Variants in EPRS1 observed in about 807,000 individuals in gnomAD.
The protein encoded by EPRS1 is bifunctional glutamate/proline--tRNA ligase.
EPRS1 carries 107 observed loss-of-function variants against 188.3 expected under a neutral mutation model. That is an observed-to-expected ratio of 0.57 (90% CI 0.49 to 0.67). The LOEUF is 0.67. Ranked by LOEUF, EPRS1 falls within the 30% of genes least tolerant of loss-of-function variation. EPRS1 has a pLI of 0.00. For synonymous variants in EPRS1, 596 were observed against 593.1 expected (o/e 1.00, Z -0.07); for missense variants, 1,577 against 1,802.2 (o/e 0.88, Z 2.26).
At chr1:219,992,591 T>A (rs143618474) in intron 18 of EPRS1, among the ~76,000 whole-genome samples, 2,674 of 152,294 alleles carry the variant, frequency 0.018, 80 homozygotes, top group African/African-American at 0.061. Context: ...AAAGCAGCCA[T>A]AGACGATATG....
In EPRS1 at chr1:220,001,151, G is replaced by C; in HGVS notation, c.2168C>G (p.Ala723Gly). 6.2e-7 allele frequency: 1 copy of C among 1,602,638 alleles called. No homozygotes were observed. Among genetic ancestry groups the C allele is most frequent in the Non-Finnish European group, 8.5e-7 (1 of 1,169,822 alleles). Residue 723 changes from alanine to glycine, a missense_variant, in exon 17 of 32, where the codon GCC becomes GGC. Physicochemically the swap from Ala to Gly is moderately conservative, Grantham distance 60. This residue lies in a region of EPRS1 where 1,278 missense variants were observed against 1,457.4 expected (regional missense o/e 0.88). Transcript: ENST00000366923. ...SGSKEKTKVE[A>G]TKNETSAPFK... ...AAAAGTCATTACCTCATTTTTTGTG[G>C]CTTCTACTTTGGTCTTTTCCTTTGA...
chr1:220,005,112 A>AAT (rs1437537290), intron 16 of EPRS1, 136 bp downstream of exon 16: 1 of 404,330 alleles, frequency 2.5e-6, no homozygotes, highest in East Asian at 3.7e-5. Context: ...TAAAATGTTA[A>AAT]ATATAAAATA....
chr1:219,977,700 A>G (rs940908338), intron 28 of EPRS1, among the ~76,000 whole-genome samples: 17 of 152,324 alleles, frequency 1.1e-4, no homozygotes, highest in African/African-American at 4.1e-4. Flanking sequence ...GGAAACAATT[A>G]TCAATATAAT....
intron 2 of EPRS1, among the ~76,000 whole-genome samples, chr1:220,038,745 C>A (rs1184941096): frequency 6.6e-6 from 1 of 152,050 alleles, no homozygotes; most frequent in Non-Finnish European, 1.5e-5. Flanking sequence ...CAAAGTAAAT[C>A]ATCAGAATAA....
chr1:219,981,264 T>G (rs1660892086), intron 24 of EPRS1, 114 bp downstream of exon 24: 1 of 612,150 alleles, frequency 1.6e-6, no homozygotes, highest in Non-Finnish European at 2.7e-6. Context: ...CTTAAATACT[T>G]CAAAAACAGT....
In EPRS1 at chr1:219,983,300, A is replaced by G. The variant is rs919792509; in HGVS notation, c.3189T>C (p.Phe1063=). Residue 1063 remains phenylalanine, a synonymous_variant, in exon 22 of 32, where the codon TTT becomes TTC. Coordinates refer to ENST00000366923, the MANE Select transcript of EPRS1 (RefSeq NM_004446.3). ...CAAGTTTCTTGATCTCAGCATCAAA[A>G]AAGTCCTTGATGGCTTCCCAAATGG... ...AYAIWEAIKD[F]FDAEIKKLGV... The G allele has an allele frequency of 3.1e-6, 5 of 1,613,888 alleles. No homozygotes were observed. In the Admixed American group the frequency reaches 8.3e-5, roughly 27 times the overall value.
At chr1:220,026,877 A>G (rs1009496496) in intron 6 of EPRS1, among the ~76,000 whole-genome samples, 2 of 151,782 alleles carry the variant, frequency 1.3e-5, no homozygotes, top group Non-Finnish European at 2.9e-5. Flanking sequence ...AGTTTATGAA[A>G]TTATATTATT....
intron 16 of EPRS1, 112 bp from the exon 17 acceptor site, chr1:220,001,367 C>CT (rs1335696379): frequency 2.3e-5 from 16 of 694,174 alleles, no homozygotes; most frequent in Non-Finnish European, 3.8e-5. Flanking sequence ...GCTTTTCTTT[C>CT]TTTTTTTCTT....
At chr1:220,011,280 C>G (rs914629880) in intron 12 of EPRS1, among the ~76,000 whole-genome samples, 25 of 152,100 alleles carry the variant, frequency 1.6e-4, no homozygotes, top group African/African-American at 5.8e-4. Flanking sequence ...ACAAGAATAG[C>G]TACTGGCAGG....
chr1:219,970,253 T>G (rs546347694), intron 30 of EPRS1, among the ~76,000 whole-genome samples: 2 of 152,338 alleles, frequency 1.3e-5, no homozygotes, highest in African/African-American at 4.8e-5. Context: ...ATGAGGGGAA[T>G]AGCAAAGTTG....
intron 30 of EPRS1, among the ~76,000 whole-genome samples, chr1:219,971,795 T>TATATATACAC (rs140568859): frequency 1.8e-5 from 2 of 108,400 alleles, no homozygotes; most frequent in Non-Finnish European, 4.0e-5. Flanking sequence ...TATATATATA[T>TATATATACAC]ACATATACAC....
chr1:220,020,829 T>C (rs1304142710), intron 9 of EPRS1, among the ~76,000 whole-genome samples: 1 of 2,056 alleles, frequency 4.9e-4, no homozygotes, highest in Admixed American at 8.9e-3. Flanking sequence ...TGAATTTATA[T>C]ATATATATAT....
At chr1:219,988,279 A>T (rs2102568673) in intron 19 of EPRS1, among the ~76,000 whole-genome samples, 1 of 152,316 alleles carries the variant, frequency 6.6e-6, no homozygotes, top group East Asian at 1.9e-4. Context: ...CAATGGGGTG[A>T]GCACTGTGCT....
At chr1:220,046,102 C>G (rs931865298) in intron 1 of EPRS1, among the ~76,000 whole-genome samples, 1 of 152,164 alleles carries the variant, frequency 6.6e-6, no homozygotes, top group African/African-American at 2.4e-5. Context: ...TTGTCTAGCC[C>G]GGGCTCACAC....
chr1:219,992,515 C>CTA (rs1399615640), intron 18 of EPRS1, among the ~76,000 whole-genome samples: 3 of 152,166 alleles, frequency 2.0e-5, no homozygotes, highest in African/African-American at 7.2e-5. Flanking sequence ...CTATAAAGGG[C>CTA]TATATAATAA....
intron 12 of EPRS1, among the ~76,000 whole-genome samples, chr1:220,016,834 T>A (rs553900602): frequency 8.0e-5 from 12 of 150,406 alleles, no homozygotes; most frequent in Non-Finnish European, 1.3e-4. Flanking sequence ...AAGTAAAAGG[T>A]CAAATTATTT....
chr1:220,019,140 G>T, intron 10 of EPRS1, 61 bp from the exon 11 acceptor site: 1 of 984,098 alleles, frequency 1.0e-6, no homozygotes, highest in South Asian at 1.3e-5. Flanking sequence ...GTGGAGAGTA[G>T]AAGATACTTA....
At chr1:219,999,712 G>A (rs1228794059) in intron 17 of EPRS1, among the ~76,000 whole-genome samples, 2 of 152,172 alleles carry the variant, frequency 1.3e-5, no homozygotes, top group Admixed American at 6.5e-5. Context: ...AGTGGATCAT[G>A]CCTATAATCC....
chr1:219,986,965 G>A (rs1405349680), intron 20 of EPRS1, among the ~76,000 whole-genome samples, 177 bp downstream of exon 20: 2 of 150,620 alleles, frequency 1.3e-5, no homozygotes, highest in African/African-American at 5.0e-5. Context: ...CCAAACAAAC[G>A]TGTTACCTAT....
Sources: gnomAD v4.1 joint callset for allele counts (sites outside exome capture counted in the v4.1 genomes callset) on GRCh38, gnomAD v4.1.1 for gene constraint, gnomAD v4.1.1 regional missense constraint, MANE v1.5 for transcripts, NCBI Gene and HGNC (gene_info 2026-07-23, HGNC 2026-07-21) for gene names.